Variants in CPNE5 observed in about 807,000 individuals in gnomAD.
CPNE5 encodes the protein copine 5, also known as copine-5.
In CPNE5, 42 loss-of-function variants were observed where a neutral mutation model predicts 81.1. The ratio of observed to expected loss-of-function variants is 0.52; its 90% CI spans 0.40 to 0.67. The LOEUF (loss-of-function observed/expected upper bound fraction) is 0.67. Among genes scored for constraint, CPNE5 ranks in the 30% least tolerant of loss-of-function variants. The pLI is 0.00. For missense variants in CPNE5, 612 were observed against 815.5 expected (o/e 0.75, Z 3.04); for synonymous variants, 313 against 321.5 (o/e 0.97, Z 0.28).
At position 36,745,464 on chromosome 6, in the gene CPNE5, C is replaced by T. The variant is rs1240836323; in HGVS notation, c.1252G>A (p.Ala418Thr). The change falls in exon 17 of 21, where the codon GCC (alanine) becomes ACC (threonine). Residue 418 changes from alanine to threonine, a missense_variant. Physicochemically the swap from Ala to Thr is moderately conservative, Grantham distance 58. Coordinates refer to ENST00000244751, the MANE Select transcript of CPNE5 (RefSeq NM_020939.2). ...ACAGTGCGCAGGCTGCGGTGGTAGG[C>T]CTCCAGGATGCCGTCGATGCCACAG... ...SCCGIDGILE[A>T]YHRSLRTVQL... 6.2e-7 allele frequency: 1 copy of T among 1,602,370 alleles called. No homozygotes were observed.
At chr6:36,772,744 C>T (rs1430577169) in intron 10 of CPNE5, among the ~76,000 whole-genome samples, 1 of 152,240 alleles carries the variant, frequency 6.6e-6, no homozygotes, top group Non-Finnish European at 1.5e-5. Flanking sequence ...AACAGGGGTG[C>T]CTGGAGGCCA....
intron 13 of CPNE5, chr6:36,754,772 C>T (rs569226795): frequency 6.6e-6 from 1 of 152,218 alleles, no homozygotes; most frequent in African/African-American, 2.4e-5. Flanking sequence ...GGTTTTTGAA[C>T]CTTTTTATTC....
chr6:36,778,633 G>A (rs1008747970), intron 9 of CPNE5, among the ~76,000 whole-genome samples: 3 of 152,034 alleles, frequency 2.0e-5, no homozygotes, highest in Non-Finnish European at 2.9e-5. Context: ...CCACAGAATG[G>A]CACCACCAGC....
chr6:36,767,930 C>T (rs1007303673), intron 10 of CPNE5, among the ~76,000 whole-genome samples: 19 of 152,288 alleles, frequency 1.2e-4, no homozygotes, highest in African/African-American at 9.6e-5. Flanking sequence ...ATGTCTTACC[C>T]GAGAGATTCA....
intron 10 of CPNE5, among the ~76,000 whole-genome samples, chr6:36,772,345 G>C (rs1359955519): frequency 1.3e-5 from 2 of 151,896 alleles, no homozygotes; most frequent in African/African-American, 4.8e-5. Context: ...GCTCCAACCA[G>C]CCCGTCCTCT....
chr6:36,774,021 G>A (rs991411369), intron 10 of CPNE5, among the ~76,000 whole-genome samples: 1 of 151,042 alleles, frequency 6.6e-6, no homozygotes, highest in Non-Finnish European at 1.5e-5. Flanking sequence ...AGCTGAAATC[G>A]GTGAGATGAG....
At chr6:36,832,952 T>A (rs142087921) in intron 1 of CPNE5, among the ~76,000 whole-genome samples, 3 of 152,328 alleles carry the variant, frequency 2.0e-5, no homozygotes, top group African/African-American at 7.2e-5. Flanking sequence ...ATCCTGTGAC[T>A]TTTTGTGGTT....
chr6:36,768,186 G>A (rs1006086274), intron 10 of CPNE5, among the ~76,000 whole-genome samples: 7 of 146,762 alleles, frequency 4.8e-5, no homozygotes, highest in African/African-American at 1.5e-4. Flanking sequence ...AGACCATGGG[G>A]AGAAGACAAA....
At chr6:36,800,939 A>G (rs1770049176) in intron 3 of CPNE5, among the ~76,000 whole-genome samples, 2 of 152,186 alleles carry the variant, frequency 1.3e-5, no homozygotes, top group Admixed American at 6.5e-5. Flanking sequence ...TGAGCTTGCA[A>G]GCAAATCTTG....
chr6:36,746,703 T>C lies in CPNE5; in HGVS notation c.1019-126A>G. 1 of 779,174 alleles carries C rather than the reference T, an allele frequency of 1.3e-6. No individual in the cohort carries two copies. The highest frequency in any genetic ancestry group is 1.8e-5 in the South Asian group (1 of 55,340). The allele number at this position is 779,174 out of a possible 1,614,324, so 48.3% of individuals were successfully genotyped here. ...TTAATTCTTGACTCCTCTCTTTCTC[T>C]CATACCCCATGTTAAATCCTTCAGC... On this transcript the variant is annotated intron_variant, in intron 15 of 20. Coordinates refer to ENST00000244751, the MANE Select transcript of CPNE5 (RefSeq NM_020939.2). This position sits in a 1 kb window ranked among gnomAD's most constrained non-coding sequence, Gnocchi z 4.5.
intron 13 of CPNE5, 93 bp from the exon 14 acceptor site, chr6:36,753,188 A>G: frequency 9.6e-7 from 1 of 1,040,074 alleles, no homozygotes; most frequent in Non-Finnish European, 1.5e-6. Flanking sequence ...AACACTCGGC[A>G]TGTGCCAGTT....
chr6:36,771,797 G>A (rs1264729172), intron 10 of CPNE5, among the ~76,000 whole-genome samples: 1 of 151,632 alleles, frequency 6.6e-6, no homozygotes, highest in African/African-American at 2.4e-5. Flanking sequence ...CACCTCCTGA[G>A]TGTCTGTTGG....
At chr6:36,826,468 A>T (rs236366) in intron 1 of CPNE5, among the ~76,000 whole-genome samples, 3,388 of 152,178 alleles carry the variant, frequency 0.022, 135 homozygotes, top group African/African-American at 0.074. Flanking sequence ...CTGGACACTG[A>T]TGGACAGCTA....
At chr6:36,768,762 C>A (rs1447188145) in intron 10 of CPNE5, among the ~76,000 whole-genome samples, 1 of 152,208 alleles carries the variant, frequency 6.6e-6, no homozygotes, top group Non-Finnish European at 1.5e-5. Context: ...ATCTGGCATA[C>A]AAAGGCTCAG....
At chr6:36,786,481 T>C (rs1243994675) in intron 8 of CPNE5, among the ~76,000 whole-genome samples, 3 of 152,184 alleles carry the variant, frequency 2.0e-5, no homozygotes, top group Non-Finnish European at 2.9e-5. Flanking sequence ...GTTGATTTGG[T>C]CATTCAGAGG....
Position 36,746,593 on chromosome 6 carries a change from T to A in CPNE5, c.1019-16A>T, listed in dbSNP as rs1001936694. The stretch of plus-strand genomic sequence containing the variant: ...GAGGGGTTCCCTGTAACACAGGACA[T>A]GGGAGCCTTTGACCATCTGGACCCT... On this transcript the variant is annotated splice_polypyrimidine_tract_variant and intron_variant, in intron 15 of 20. Transcript: ENST00000244751. This position sits in a 1 kb window ranked among gnomAD's most constrained non-coding sequence, Gnocchi z 4.5. 13 of 1,604,134 alleles carry A rather than the reference T, an allele frequency of 8.1e-6. No individual in the cohort carries two copies. In the African/African-American group the frequency reaches 1.3e-4, roughly 17 times the overall value.
chr6:36,769,994 T>C (rs889555005), intron 10 of CPNE5, among the ~76,000 whole-genome samples: 1 of 152,250 alleles, frequency 6.6e-6, no homozygotes, highest in South Asian at 2.1e-4. Flanking sequence ...GTGAGCAGCC[T>C]GACCCAGACA....
At position 36,763,862 on chromosome 6, in the gene CPNE5, C is replaced by T. The variant is rs190315334; in HGVS notation, c.780-870G>A. 8.9e-4 allele frequency among the ~76,000 whole-genome samples: 135 copies of T among 152,182 alleles called. 1 individual carries two copies. Among genetic ancestry groups the T allele is most frequent in the Admixed American group, 1.6e-3 (24 of 15,278 alleles). ...GATTATTTTTAAAACACAATGAGAG[C>T]GATGTCCAGCTGGGTGGCTGCAAGT... On this transcript the variant is annotated intron_variant, in intron 11 of 20. Transcript: ENST00000244751.
intron 13 of CPNE5, among the ~76,000 whole-genome samples, chr6:36,753,340 A>G (rs979891175): frequency 2.0e-5 from 3 of 152,238 alleles, no homozygotes; most frequent in African/African-American, 7.2e-5. Flanking sequence ...GGGATCTGAA[A>G]CCAGGGTGTG....
Sources: gnomAD v4.1 joint callset for allele counts (sites outside exome capture counted in the v4.1 genomes callset) on GRCh38, gnomAD v4.1.1 for gene constraint, Gnocchi (gnomAD v3.1) non-coding constraint, MANE v1.5 for transcripts, NCBI Gene and HGNC (gene_info 2026-07-23, HGNC 2026-07-21) for gene names.